The following UNC13B variants were observed in gnomAD, a reference collection of about 807,000 sequenced individuals.
UNC13B encodes the protein unc-13 homolog B.
A neutral mutation model predicts 211.0 loss-of-function variants in UNC13B; 144 were observed. That is an observed-to-expected ratio of 0.68 (90% confidence interval 0.60 to 0.78). UNC13B has a LOEUF of 0.78. Ranked by LOEUF, UNC13B falls within the 30% of genes least tolerant of loss-of-function variation. UNC13B has a pLI of 0.00. For missense variants in UNC13B, 1,777 were observed against 2,002.0 expected (o/e 0.89, Z 2.14); for synonymous variants, 709 against 725.8 (o/e 0.98, Z 0.37).
At chr9:35,276,435 C>T (rs1828181718) in intron 7 of UNC13B, among the ~76,000 whole-genome samples, 1 of 151,992 alleles carries the variant, frequency 6.6e-6, no homozygotes, top group Non-Finnish European at 1.5e-5. Context: ...TCTGTCTGCA[C>T]TCACCCTCCT....
At chr9:35,371,683 T>C (rs568697536) in intron 13 of UNC13B, among the ~76,000 whole-genome samples, 1 of 152,368 alleles carries the variant, frequency 6.6e-6, no homozygotes, top group East Asian at 1.9e-4. Flanking sequence ...TATTTCTTGC[T>C]ATCCCTCTCT....
intron 11 of UNC13B, chr9:35,342,046 G>C (rs1832030217): frequency 1.0e-6 from 1 of 985,478 alleles, no homozygotes; most frequent in Non-Finnish European, 1.2e-6. Context: ...TGAGACTCCT[G>C]CCAAGCCCTT....
At chr9:35,316,987 TTAA>T (rs1830491459) in intron 11 of UNC13B, among the ~76,000 whole-genome samples, 1 of 152,196 alleles carries the variant, frequency 6.6e-6, no homozygotes, top group Non-Finnish European at 1.5e-5. Flanking sequence ...AAAATTTTTG[TTAA>T]TAAACATTAA....
intron 7 of UNC13B, among the ~76,000 whole-genome samples, chr9:35,279,591 C>T (rs1210625150): frequency 6.6e-6 from 1 of 152,098 alleles, no homozygotes; most frequent in African/African-American, 2.4e-5. Context: ...ATTTAAGTTG[C>T]TTCCAGTATT....
intron 7 of UNC13B, chr9:35,291,241 A>G (rs1407869222): frequency 4.7e-6 from 4 of 860,146 alleles, no homozygotes; most frequent in African/African-American, 1.7e-5. Context: ...TCGGGAGACA[A>G]TGACCTGTGG....
At chr9:35,188,147 A>G (rs947185071) in intron 1 of UNC13B, among the ~76,000 whole-genome samples, 5 of 152,232 alleles carry the variant, frequency 3.3e-5, no homozygotes, top group African/African-American at 1.2e-4. Context: ...TGCTTGATAT[A>G]CATGAGCATT....
chr9:35,398,459 A>G, intron 31 of UNC13B, 95 bp from the exon 32 acceptor site: 1 of 1,409,640 alleles, frequency 7.1e-7, no homozygotes, highest in Non-Finnish European at 1.0e-6. Context: ...AGGAATAGGC[A>G]CTGGGGTAAG....
intron 7 of UNC13B, among the ~76,000 whole-genome samples, chr9:35,286,963 C>T (rs565317826): frequency 3.4e-4 from 51 of 152,070 alleles, no homozygotes; most frequent in African/African-American, 1.0e-3. Flanking sequence ...TAAAATGTTT[C>T]GTTGAATTCT....
At chr9:35,366,534 A>G (rs928128894) in intron 11 of UNC13B, among the ~76,000 whole-genome samples, 1 of 152,136 alleles carries the variant, frequency 6.6e-6, no homozygotes, top group African/African-American at 2.4e-5. Flanking sequence ...ACATTAAGGG[A>G]GTTTAGGAAT....
intron 11 of UNC13B, among the ~76,000 whole-genome samples, chr9:35,314,870 G>A (rs1172620620): frequency 8.0e-6 from 1 of 125,146 alleles, no homozygotes; most frequent in South Asian, 2.6e-4. Flanking sequence ...GGTTGATTCC[G>A]TATCTTTTTT....
intron 7 of UNC13B, among the ~76,000 whole-genome samples, chr9:35,292,809 C>G (rs1829160497): frequency 1.3e-5 from 2 of 152,232 alleles, no homozygotes; most frequent in Non-Finnish European, 2.9e-5. Context: ...TACCCTCAAA[C>G]TGGCTCTCTA....
At chr9:35,370,424 G>A (rs1472906870) in intron 13 of UNC13B, 28 bp downstream of exon 13, 4 of 1,608,298 alleles carry the variant, frequency 2.5e-6, no homozygotes, top group Admixed American at 3.3e-5. Context: ...TGCAGGCATA[G>A]GCAGTAGCCT....
rs944422242 is a variant in UNC13B at position 35,201,419 on chromosome 9, T to C, written c.23-26596T>C. Among the ~76,000 whole-genome samples the C allele has an allele frequency of 6.3e-4, 96 of 152,182 alleles. 1 individual carries two copies. The highest frequency in any genetic ancestry group is 2.2e-3 in the African/African-American group (92 of 41,544). ...AGTTTCAGAAGGAATGGTACCAGCT[T>C]CTCTTTGTACCTCTGGTAGAATTCA... is the stretch of plus-strand genomic sequence containing the variant. On this transcript the variant is annotated intron_variant, in intron 1 of 39. Coordinates refer to ENST00000635942, the MANE Select transcript of UNC13B (RefSeq NM_001371189.2).
intron 8 of UNC13B, among the ~76,000 whole-genome samples, chr9:35,297,839 G>A (rs1202205227): frequency 1.3e-5 from 2 of 151,850 alleles, no homozygotes; most frequent in African/African-American, 2.4e-5. Flanking sequence ...GTGAGCCACC[G>A]CGCCCGGCCC....
intron 28 of UNC13B, 85 bp downstream of exon 28, chr9:35,397,022 G>T: frequency 6.2e-7 from 1 of 1,603,942 alleles, no homozygotes; most frequent in Non-Finnish European, 8.5e-7. Flanking sequence ...GCTTTGGCCA[G>T]GATGGCTATG....
intron 1 of UNC13B, among the ~76,000 whole-genome samples, chr9:35,195,268 T>G (rs1342553191): frequency 1.3e-5 from 2 of 152,164 alleles, no homozygotes; most frequent in Non-Finnish European, 2.9e-5. Context: ...TGGGGCTGCT[T>G]CTTATTAAAA....
intron 11 of UNC13B, among the ~76,000 whole-genome samples, chr9:35,324,075 T>A (rs1830878304): frequency 6.6e-6 from 1 of 152,198 alleles, no homozygotes; most frequent in East Asian, 1.9e-4. Flanking sequence ...TTAGGCCCAC[T>A]TTATTGATTA....
chr9:35,305,321 A>G lies in UNC13B; in HGVS notation c.5917A>G (p.Lys1973Glu), dbSNP rs1297470442. 1.0e-5 allele frequency: 4 copies of G among 398,884 alleles called. No individual in the cohort carries two copies. Among genetic ancestry groups the G allele is most frequent in the South Asian group, 1.3e-4 (1 of 7,860 alleles). The allele number at this position is 398,884 out of a possible 1,614,324, so 24.7% of individuals were successfully genotyped here. ...TGTCAAGATACCACCTCAAGAAAAG[A>G]AAGAATCTTCTGGTGTTTCAAATTT... is the stretch of plus-strand genomic sequence containing the variant. ...TNVKIPPQEKKESSGVSNFWG... is the reference protein window; with the variant it reads ...TNVKIPPQEKEESSGVSNFWG... Residue 1973 changes from lysine (K) to glutamate (E), a missense_variant, in exon 9 of 40, where the codon AAA becomes GAA. Coordinates refer to ENST00000635942, the MANE Select transcript of UNC13B (RefSeq NM_001371189.2).
chr9:35,227,914 T>C (rs1824947555), intron 1 of UNC13B, 101 bp from the exon 2 acceptor site: 1 of 982,846 alleles, frequency 1.0e-6, no homozygotes, highest in Non-Finnish European at 1.5e-6. Flanking sequence ...TTTAACAATC[T>C]AAACCTAGTT....
Sources: gnomAD v4.1 joint callset for allele counts (sites outside exome capture counted in the v4.1 genomes callset) on GRCh38, gnomAD v4.1.1 for gene constraint, MANE v1.5 for transcripts, NCBI Gene and HGNC (gene_info 2026-07-23, HGNC 2026-07-21) for gene names.